The following DSCAML1 variants were observed in gnomAD, a reference collection of about 807,000 sequenced individuals.
DSCAML1 encodes the protein DS cell adhesion molecule like 1, also known as cell adhesion molecule DSCAML1.
A neutral mutation model predicts 200.5 loss-of-function variants in DSCAML1; 38 were observed. That is an observed-to-expected ratio of 0.19 (90% confidence interval 0.15 to 0.25). The LOEUF (loss-of-function observed/expected upper bound fraction) is 0.25. Among genes scored for constraint, DSCAML1 ranks in the 10% least tolerant of loss-of-function variants. DSCAML1 has a pLI of 1.00. For synonymous variants in DSCAML1, 1,215 were observed against 1,165.0 expected (o/e 1.04, Z -0.87); for missense variants, 2,223 against 2,858.8 (o/e 0.78, Z 5.07).
In DSCAML1 at chr11:117,633,750, C is replaced by G. The variant is rs889547276; in HGVS notation, c.512-101228G>C. Among the ~76,000 whole-genome samples, 33 of 152,340 alleles carry G rather than the reference C, an allele frequency of 2.2e-4. 1 individual carries two copies. The highest frequency in any genetic ancestry group is 2.0e-4 in the Admixed American group (3 of 15,310). ...GGGGAAGACACTTGTCTGTTCGAAA[C>G]GCAGCACGGCAGGCAGAATGTCATC... On this transcript the variant is annotated intron_variant, in intron 3 of 32. Coordinates refer to ENST00000651296, the MANE Select transcript of DSCAML1 (RefSeq NM_020693.4).
intron 3 of DSCAML1, among the ~76,000 whole-genome samples, chr11:117,619,093 T>C (rs1221475957): frequency 2.0e-5 from 3 of 152,230 alleles, no homozygotes; most frequent in Non-Finnish European, 2.9e-5. Context: ...TTTGCCTTTA[T>C]GGTTCTAGCT....
intron 3 of DSCAML1, among the ~76,000 whole-genome samples, chr11:117,654,345 G>A (rs1365277414): frequency 6.6e-6 from 1 of 152,146 alleles, no homozygotes; most frequent in African/African-American, 2.4e-5. Context: ...GTATTGTATG[G>A]TATAAGAATT....
chr11:117,545,584 G>A (rs546151732), intron 3 of DSCAML1, among the ~76,000 whole-genome samples: 4 of 152,268 alleles, frequency 2.6e-5, no homozygotes, highest in East Asian at 3.9e-4. Context: ...AAAGGCAGAG[G>A]GGAGCCAATT....
At chr11:117,462,719 G>T (rs911059256) in intron 17 of DSCAML1, among the ~76,000 whole-genome samples, 4 of 152,236 alleles carry the variant, frequency 2.6e-5, no homozygotes, top group African/African-American at 7.2e-5. Flanking sequence ...CGAACAAAAT[G>T]AAGGTAATAT....
chr11:117,484,890 T>TGTG (rs1565729257), intron 11 of DSCAML1, among the ~76,000 whole-genome samples: 1 of 14,140 alleles, frequency 7.1e-5, no homozygotes, highest in African/African-American at 3.7e-4. Context: ...AGGAACAGTG[T>TGTG]GTGTGTGTGT....
intron 3 of DSCAML1, among the ~76,000 whole-genome samples, chr11:117,591,045 T>A (rs2051249066): frequency 6.7e-6 from 1 of 148,890 alleles, no homozygotes; most frequent in South Asian, 2.1e-4. Context: ...ATGAGGTTCA[T>A]TGTTCTACAC....
At chr11:117,479,315 A>T (rs1380563627) in intron 14 of DSCAML1, among the ~76,000 whole-genome samples, 1 of 152,252 alleles carries the variant, frequency 6.6e-6, no homozygotes, top group Non-Finnish European at 1.5e-5. Context: ...AGACTGAGGA[A>T]GATTGAGTAA....
At chr11:117,747,943 G>A (rs928904848) in intron 3 of DSCAML1, among the ~76,000 whole-genome samples, 1 of 152,236 alleles carries the variant, frequency 6.6e-6, no homozygotes. Flanking sequence ...CTTTAGTAAG[G>A]AGAAGAGTCT....
intron 1 of DSCAML1, among the ~76,000 whole-genome samples, chr11:117,792,979 C>T (rs891793603): frequency 6.6e-6 from 1 of 152,174 alleles, no homozygotes; most frequent in Non-Finnish European, 1.5e-5. Flanking sequence ...ATGGAGGCAA[C>T]AAAATGTAGG....
chr11:117,625,993 G>A (rs1332824553), intron 3 of DSCAML1, among the ~76,000 whole-genome samples: 2 of 152,222 alleles, frequency 1.3e-5, no homozygotes, highest in Non-Finnish European at 2.9e-5. Context: ...ATCGGTGGAG[G>A]AGGCATTTGT....
chr11:117,731,772 G>A (rs1271683704), intron 3 of DSCAML1, among the ~76,000 whole-genome samples: 2 of 152,202 alleles, frequency 1.3e-5, no homozygotes, highest in African/African-American at 2.4e-5. Context: ...TGTCTTTGCA[G>A]TTTCACTATC....
intron 3 of DSCAML1, among the ~76,000 whole-genome samples, chr11:117,736,840 G>A (rs1234621583): frequency 6.6e-6 from 1 of 152,228 alleles, no homozygotes. Flanking sequence ...ACTGTGAATT[G>A]TAGGTCCCTC....
At chr11:117,654,795 G>A (rs2052700956) in intron 3 of DSCAML1, among the ~76,000 whole-genome samples, 1 of 152,158 alleles carries the variant, frequency 6.6e-6, no homozygotes, top group Non-Finnish European at 1.5e-5. Flanking sequence ...TCCCCATCGA[G>A]AACCATTTAT....
rs1368671280 is a variant in DSCAML1 at position 117,640,670 on chromosome 11, A to G, written c.512-108148T>C. The stretch of plus-strand genomic sequence containing the variant: ...TCTTGTCCCCGCCACCATGGTCCAA[A>G]TCACCATTTTCTTTCACGTGGTGCT... On this transcript the variant is annotated intron_variant, in intron 3 of 32. Coordinates refer to ENST00000651296, the MANE Select transcript of DSCAML1 (RefSeq NM_020693.4). Among the ~76,000 whole-genome samples, 39 of 152,034 alleles carry G rather than the reference A, an allele frequency of 2.6e-4. 2 individuals carry two copies. Among genetic ancestry groups the G allele is most frequent in the Admixed American group, 2.6e-3 (39 of 15,270 alleles).
At chr11:117,811,919 G>T (rs112667171) in intron 1 of DSCAML1, among the ~76,000 whole-genome samples, 1 of 152,118 alleles carries the variant, frequency 6.6e-6, no homozygotes, top group Admixed American at 6.5e-5. Flanking sequence ...ACTGCTGTGC[G>T]TATTGACAGC....
chr11:117,502,263 C>T (rs541514454), intron 11 of DSCAML1, among the ~76,000 whole-genome samples: 1 of 152,346 alleles, frequency 6.6e-6, no homozygotes, highest in Non-Finnish European at 1.5e-5. Context: ...CCTGCATCTC[C>T]ATGGAACAAC....
chr11:117,547,843 G>T (rs973284725), intron 3 of DSCAML1, among the ~76,000 whole-genome samples: 1 of 152,122 alleles, frequency 6.6e-6, no homozygotes, highest in African/African-American at 2.4e-5. Context: ...GGCAGCCCAA[G>T]CCCACAGTCA....
At position 117,780,767 on chromosome 11, in the gene DSCAML1, G is replaced by A. The variant is rs776308095; in HGVS notation, c.90C>T (p.Asp30=). 6.6e-7 allele frequency: 1 copy of A among 1,515,498 alleles called. No individual in the cohort carries two copies. Among genetic ancestry groups the A allele is most frequent in the African/African-American group, 1.4e-5 (1 of 71,486 alleles). The allele number at this position is 1,515,498 out of a possible 1,614,324, so 93.9% of individuals were successfully genotyped here. ...TGGAAAAGGTCACCTGCTGCAAGGA[G>A]TCATTTACAAAGTAGAGGCTGGTGC... The part of the protein sequence containing the change: ...DVGTSLYFVN[D]SLQQVTFSSS... The change falls in exon 2 of 33, where the codon GAC becomes GAT. Residue 30 remains aspartate, a synonymous_variant. Coordinates refer to ENST00000651296, the MANE Select transcript of DSCAML1 (RefSeq NM_020693.4). The surrounding 1 kb of genome is among the most constrained non-coding windows in gnomAD (Gnocchi z 4.8).
intron 3 of DSCAML1, among the ~76,000 whole-genome samples, chr11:117,708,214 T>C (rs189485953): frequency 6.6e-6 from 1 of 152,318 alleles, no homozygotes; most frequent in East Asian, 1.9e-4. Context: ...ACCTGTCTAG[T>C]TGAACCCTGC....
Sources: gnomAD v4.1 joint callset for allele counts (sites outside exome capture counted in the v4.1 genomes callset) on GRCh38, gnomAD v4.1.1 for gene constraint, Gnocchi (gnomAD v3.1) non-coding constraint, MANE v1.5 for transcripts, NCBI Gene and HGNC (gene_info 2026-07-23, HGNC 2026-07-21) for gene names.